FERMT1: variants seen among roughly 807,000 people sequenced by gnomAD.
The protein encoded by FERMT1 is fermitin family homolog 1.
In FERMT1, 60 loss-of-function variants were observed where a neutral mutation model predicts 85.3. The ratio of observed to expected loss-of-function variants is 0.70; its 90% CI spans 0.57 to 0.87. The LOEUF (loss-of-function observed/expected upper bound fraction) is 0.87. FERMT1 is among the 40% of genes least tolerant of loss of function. FERMT1 has a pLI of 0.00. For synonymous variants in FERMT1, 275 were observed against 301.1 expected (o/e 0.91, Z 0.90); for missense variants, 701 against 818.9 (o/e 0.86, Z 1.76).
intron 6 of FERMT1, among the ~76,000 whole-genome samples, chr20:6,105,170 G>A (rs768461651): frequency 8.5e-5 from 13 of 152,334 alleles, no homozygotes; most frequent in Non-Finnish European, 1.6e-4. Context: ...GATGTGGTGT[G>A]ATTAGAGGAG....
At position 6,107,099 on chromosome 20, in the gene FERMT1, G is replaced by A. The variant is rs1343422686; in HGVS notation, c.849+433C>T. Among the ~76,000 whole-genome samples the A allele has an allele frequency of 2.0e-5, 3 of 150,032 alleles. No homozygotes were observed. The Admixed American group carries it at 2.0e-4, about 10-fold the overall frequency. ...TAGTTCCAGCTACTCAGGAGGCTGA[G>A]GCAAAAGAATCGCTTGAACCCGGGA... On this transcript the variant is annotated intron_variant, in intron 6 of 14. Coordinates refer to ENST00000217289, the MANE Select transcript of FERMT1 (RefSeq NM_017671.5).
At chr20:6,101,547 A>G (rs561478809) in intron 6 of FERMT1, among the ~76,000 whole-genome samples, 1 of 152,370 alleles carries the variant, frequency 6.6e-6, no homozygotes, top group East Asian at 1.9e-4. Context: ...CAAGTCTGCA[A>G]GGATGGTTGG....
At chr20:6,090,106 C>T (rs1427542692) in intron 9 of FERMT1, among the ~76,000 whole-genome samples, 3 of 151,968 alleles carry the variant, frequency 2.0e-5, no homozygotes, top group Admixed American at 6.6e-5. Flanking sequence ...GACGGAGTCT[C>T]GCTCTGTTGC....
chr20:6,115,710 GT>G (rs1983076777), intron 3 of FERMT1, 100 bp downstream of exon 3: 2 of 892,700 alleles, frequency 2.2e-6, no homozygotes, highest in African/African-American at 3.3e-5. Context: ...ATAGGTGAGT[GT>G]TCTGTAGCAA....
intron 3 of FERMT1, 52 bp downstream of exon 3, chr20:6,115,759 G>C: frequency 7.5e-7 from 1 of 1,339,148 alleles, no homozygotes; most frequent in Non-Finnish European, 1.1e-6. Flanking sequence ...TAATTTTCCT[G>C]TCTAGCTTTG....
intron 14 of FERMT1, among the ~76,000 whole-genome samples, chr20:6,078,366 G>A (rs939739296): frequency 1.3e-5 from 2 of 152,220 alleles, no homozygotes; most frequent in Non-Finnish European, 2.9e-5. Flanking sequence ...CTTAACAAAT[G>A]TGTGGGTCTC....
chr20:6,116,097 G>A (rs1198253564), intron 2 of FERMT1, 53 bp from the exon 3 acceptor site: 1 of 1,284,794 alleles, frequency 7.8e-7, no homozygotes, highest in Admixed American at 1.8e-5. Context: ...CAGCTTGGAG[G>A]GTCCTGGAGC....
At chr20:6,090,367 C>A (rs1982322033) in intron 9 of FERMT1, among the ~76,000 whole-genome samples, 1 of 152,128 alleles carries the variant, frequency 6.6e-6, no homozygotes, top group African/African-American at 2.4e-5. Flanking sequence ...GCCACCACGC[C>A]CAGCTGGGAC....
intron 9 of FERMT1, among the ~76,000 whole-genome samples, chr20:6,093,538 T>C (rs1169980839): frequency 3.9e-5 from 6 of 152,234 alleles, no homozygotes; most frequent in African/African-American, 1.4e-4. Context: ...CATTTTTTTG[T>C]GGAACAATTA....
chr20:6,121,205 C>A (rs1211258594), intron 1 of FERMT1, among the ~76,000 whole-genome samples: 2 of 152,186 alleles, frequency 1.3e-5, no homozygotes, highest in Non-Finnish European at 2.9e-5. Flanking sequence ...TCACTGCAAC[C>A]TCTGCCTCCC....
chr20:6,083,358 C>T (rs935830926), intron 13 of FERMT1, among the ~76,000 whole-genome samples: 1 of 152,194 alleles, frequency 6.6e-6, no homozygotes, highest in East Asian at 1.9e-4. Context: ...AATAGATGGG[C>T]CTCCTATGCA....
intron 3 of FERMT1, among the ~76,000 whole-genome samples, chr20:6,115,373 A>C (rs1983068159): frequency 6.6e-6 from 1 of 152,230 alleles, no homozygotes; most frequent in Non-Finnish European, 1.5e-5. Flanking sequence ...TTATGGGCAG[A>C]GTTATTTACT....
rs114601953 is a variant in FERMT1 at position 6,100,382 on chromosome 20, G to A, written c.850-2751C>T. The stretch of plus-strand genomic sequence containing the variant: ...TTTTGTGTAATTCCACTTATAGGAA[G>A]TTTCCAGAATAGGCAAATCCACAGA... On this transcript the variant is annotated intron_variant, in intron 6 of 14. Coordinates refer to ENST00000217289, the MANE Select transcript of FERMT1 (RefSeq NM_017671.5). Among the ~76,000 whole-genome samples the A allele has an allele frequency of 1.7e-3, 265 of 152,272 alleles. 1 individual carries two copies. Among genetic ancestry groups the A allele is most frequent in the African/African-American group, 6.2e-3 (256 of 41,554 alleles).
chr20:6,085,410 A>G (rs999188969), intron 11 of FERMT1, 123 bp from the exon 12 acceptor site: 2 of 821,856 alleles, frequency 2.4e-6, no homozygotes, highest in Non-Finnish European at 4.1e-6. Context: ...CAAGATGTGA[A>G]GTGGCACACG....
chr20:6,090,365 G>T (rs557097770), intron 9 of FERMT1, among the ~76,000 whole-genome samples: 1 of 152,058 alleles, frequency 6.6e-6, no homozygotes. Flanking sequence ...GAGCCACCAC[G>T]CCCAGCTGGG....
chr20:6,089,125 A>G, intron 9 of FERMT1, 36 bp from the exon 10 acceptor site: 2 of 1,603,042 alleles, frequency 1.2e-6, no homozygotes, highest in Non-Finnish European at 8.5e-7. Flanking sequence ...TTAAACCACC[A>G]CCCAGAAATG....
intron 13 of FERMT1, 143 bp from the exon 14 acceptor site, chr20:6,079,720 G>A: frequency 1.2e-6 from 1 of 820,422 alleles, no homozygotes. Context: ...CTTTCTGCAG[G>A]GGGGCATTTT....
In FERMT1 at chr20:6,084,323, C is replaced by T. The variant is rs961097572; in HGVS notation, c.1594-159G>A. ...TCCATTCATTCTCTCTCTTTTTCTACAAGATACAACAATCACTGGAAGAAG... is the reference window on the plus strand; with the variant it reads ...TCCATTCATTCTCTCTCTTTTTCTATAAGATACAACAATCACTGGAAGAAG... On this transcript the variant is annotated intron_variant, in intron 12 of 14. Transcript: ENST00000217289. Among the ~76,000 whole-genome samples, 11 of 152,168 alleles carry T rather than the reference C, an allele frequency of 7.2e-5. 1 individual carries two copies. The highest frequency in any genetic ancestry group is 5.2e-4 in the Admixed American group (8 of 15,266).
chr20:6,098,319 C>G (rs189685848), intron 6 of FERMT1, among the ~76,000 whole-genome samples: 3 of 151,992 alleles, frequency 2.0e-5, no homozygotes, highest in African/African-American at 7.3e-5. Context: ...AAGCAGAATC[C>G]GATAGGATTT....
Sources: allele counts gnomAD v4.1 joint callset (sites outside exome capture counted in the v4.1 genomes callset), GRCh38; gene constraint gnomAD v4.1.1; transcripts MANE v1.5; gene names NCBI Gene and HGNC (gene_info 2026-07-23, HGNC 2026-07-21).